ZFHX3: variants seen among roughly 807,000 people sequenced by gnomAD.
ZFHX3 encodes the protein zinc finger homeobox protein 3.
Under a neutral mutation model 279.1 loss-of-function variants are expected in ZFHX3, and 42 were observed. The observed-to-expected ratio is 0.15, with a 90% CI of 0.12 to 0.19. The LOEUF (loss-of-function observed/expected upper bound fraction) is 0.19. Ranked by LOEUF, ZFHX3 falls within the 10% of genes least tolerant of loss-of-function variation. ZFHX3 has a pLI of 1.00. For missense variants in ZFHX3, 4,981 were observed against 4,754.0 expected, an observed-to-expected ratio of 1.05 and a Z score of -1.40; for synonymous variants, 2,293 against 1,957.8, an observed-to-expected ratio of 1.17 and a Z score of -4.52.
chr16:73,352,430 G>C (rs1214618249), intron 3 of ZFHX3, among the ~76,000 whole-genome samples: 1 of 149,972 alleles, frequency 6.7e-6, no homozygotes, highest in Non-Finnish European at 1.5e-5. Context: ...AGGATAAACG[G>C]TGTCACTATT....
At chr16:73,369,545 T>C (rs1394782845) in intron 3 of ZFHX3, among the ~76,000 whole-genome samples, 1 of 152,160 alleles carries the variant, frequency 6.6e-6, no homozygotes, top group Non-Finnish European at 1.5e-5. Context: ...TGGAGACCAT[T>C]CCTGCCTCAC....
chr16:73,483,673 C>G (rs2018914724), intron 2 of ZFHX3, among the ~76,000 whole-genome samples: 1 of 152,066 alleles, frequency 6.6e-6, no homozygotes, highest in Non-Finnish European at 1.5e-5. Flanking sequence ...AGGGGCCAAG[C>G]AGCTGTTTTA....
At chr16:73,708,919 C>T (rs754882378) in intron 1 of ZFHX3, among the ~76,000 whole-genome samples, 1 of 152,160 alleles carries the variant, frequency 6.6e-6, no homozygotes, top group Non-Finnish European at 1.5e-5. Context: ...CTTTCCGTCT[C>T]CTCTCCCATG....
intron 1 of ZFHX3, among the ~76,000 whole-genome samples, chr16:73,887,854 A>AT (rs536159164): frequency 1.9e-4 from 29 of 151,768 alleles, no homozygotes; most frequent in Non-Finnish European, 3.4e-4. Context: ...TAAAATCTGA[A>AT]TTTTTTTTAA....
intron 3 of ZFHX3, among the ~76,000 whole-genome samples, chr16:72,917,915 T>C (rs891924734): frequency 6.6e-6 from 1 of 152,170 alleles, no homozygotes. Flanking sequence ...TTTTCAGATA[T>C]TATAAACTTG....
chr16:72,818,285 T>G (rs571788348), intron 5 of ZFHX3, among the ~76,000 whole-genome samples: 1 of 152,312 alleles, frequency 6.6e-6, no homozygotes, highest in East Asian at 1.9e-4. Flanking sequence ...AGAAATGCAA[T>G]GTTTCCAGAG....
At chr16:73,594,009 TATTCA>T (rs1223711960) in intron 2 of ZFHX3, among the ~76,000 whole-genome samples, 4 of 152,204 alleles carry the variant, frequency 2.6e-5, no homozygotes, top group Non-Finnish European at 5.9e-5. Context: ...TTGTTACTCC[TATTCA>T]ACATTATACT....
At chr16:73,680,809 G>T (rs1042494297) in intron 1 of ZFHX3, among the ~76,000 whole-genome samples, 4 of 152,144 alleles carry the variant, frequency 2.6e-5, no homozygotes, top group Non-Finnish European at 5.9e-5. Flanking sequence ...AAATGATTTG[G>T]ATTTAATTGT....
At chr16:73,023,110 C>A (rs1346891206) in intron 1 of ZFHX3, among the ~76,000 whole-genome samples, 1 of 152,184 alleles carries the variant, frequency 6.6e-6, no homozygotes, top group African/African-American at 2.4e-5. Flanking sequence ...GCCTATGATT[C>A]CAGCTACTCA....
chr16:72,871,938 A>G (rs1325622190), intron 4 of ZFHX3, among the ~76,000 whole-genome samples: 1 of 152,090 alleles, frequency 6.6e-6, no homozygotes, highest in Non-Finnish European at 1.5e-5. Context: ...ACAGAAAATT[A>G]GCCAGGCGTG....
intron 1 of ZFHX3, among the ~76,000 whole-genome samples, chr16:73,044,862 C>G (rs1399616413): frequency 2.6e-5 from 4 of 152,206 alleles, no homozygotes; most frequent in Non-Finnish European, 5.9e-5. Context: ...CTCAAGTGAT[C>G]TGCCTGCCTC....
intron 2 of ZFHX3, among the ~76,000 whole-genome samples, chr16:73,621,793 T>C (rs372451038): frequency 1.3e-5 from 2 of 152,176 alleles, no homozygotes; most frequent in Non-Finnish European, 2.9e-5. Flanking sequence ...AGATCTTCCA[T>C]TAAAAATGAA....
At chr16:73,249,996 T>G (rs116321080) in intron 5 of ZFHX3, among the ~76,000 whole-genome samples, 2,365 of 152,338 alleles carry the variant, frequency 0.016, 65 homozygotes, top group African/African-American at 0.051. Flanking sequence ...AGCAACTTCC[T>G]ACACTGTTGG....
At chr16:73,888,427 T>TA (rs1316244796) in intron 1 of ZFHX3, among the ~76,000 whole-genome samples, 2 of 152,222 alleles carry the variant, frequency 1.3e-5, no homozygotes, top group Admixed American at 6.5e-5. Flanking sequence ...TTGTAAAGAT[T>TA]AAAAAAATAG....
intron 1 of ZFHX3, among the ~76,000 whole-genome samples, chr16:73,033,630 G>A (rs1296261336): frequency 1.3e-5 from 2 of 152,140 alleles, no homozygotes; most frequent in Non-Finnish European, 2.9e-5. Context: ...GGCCAGCGCC[G>A]GGGCCCCTTC....
At chr16:73,775,575 T>C (rs1959224953) in intron 1 of ZFHX3, among the ~76,000 whole-genome samples, 1 of 152,106 alleles carries the variant, frequency 6.6e-6, no homozygotes, top group Non-Finnish European at 1.5e-5. Flanking sequence ...CCAGTTATAT[T>C]TAGGCAGTGG....
chr16:73,426,049 C>T (rs965487024), intron 3 of ZFHX3, among the ~76,000 whole-genome samples: 3 of 152,190 alleles, frequency 2.0e-5, no homozygotes, highest in African/African-American at 4.8e-5. Flanking sequence ...ATAGCACTCA[C>T]CCTTGGGCCC....
At chr16:73,747,659 ATATAAG>A (rs2053716476) in intron 1 of ZFHX3, among the ~76,000 whole-genome samples, 1 of 152,184 alleles carries the variant, frequency 6.6e-6, no homozygotes, top group Non-Finnish European at 1.5e-5. Context: ...CCTCAGATAG[ATATAAG>A]TATAGGTATA....
At chr16:73,406,952 T>C (rs1431581879) in intron 3 of ZFHX3, among the ~76,000 whole-genome samples, 3 of 152,238 alleles carry the variant, frequency 2.0e-5, no homozygotes, top group Non-Finnish European at 4.4e-5. Flanking sequence ...TGTTTCAGTT[T>C]CTTAGAGTAA....
Sources: gnomAD v4.1 joint callset for allele counts (sites outside exome capture counted in the v4.1 genomes callset) on GRCh38, gnomAD v4.1.1 for gene constraint, MANE v1.5 for transcripts, NCBI Gene and HGNC (gene_info 2026-07-23, HGNC 2026-07-21) for gene names.